PTPRE: variants seen among roughly 807,000 people sequenced by gnomAD.
PTPRE encodes protein tyrosine phosphatase receptor type E, also known as receptor-type tyrosine-protein phosphatase epsilon.
In PTPRE, 51 loss-of-function variants were observed where a neutral mutation model predicts 102.0. The observed-to-expected ratio is 0.50, with a 90% CI of 0.40 to 0.63. The LOEUF is 0.63. Ranked by LOEUF, PTPRE falls within the 30% of genes least tolerant of loss-of-function variation. The pLI is 0.00. For missense variants in PTPRE, 752 were observed against 915.1 expected, an observed-to-expected ratio of 0.82 and a Z score of 2.30; for synonymous variants, 345 against 348.2, an observed-to-expected ratio of 0.99 and a Z score of 0.10.
intron 1 of PTPRE, among the ~76,000 whole-genome samples, chr10:127,919,862 G>A (rs1385752142): frequency 1.3e-5 from 2 of 152,008 alleles, no homozygotes; most frequent in African/African-American, 4.8e-5. Flanking sequence ...CTGAATGAAT[G>A]GGCAGTGCTG....
chr10:127,923,123 C>A (rs952867885), intron 1 of PTPRE, among the ~76,000 whole-genome samples: 1 of 152,258 alleles, frequency 6.6e-6, no homozygotes, highest in South Asian at 2.1e-4. Context: ...CCCGGCATAG[C>A]GGCTGGCGTG....
intron 1 of PTPRE, among the ~76,000 whole-genome samples, chr10:127,914,287 C>T (rs78016424): frequency 6.6e-6 from 1 of 152,162 alleles, no homozygotes; most frequent in Non-Finnish European, 1.5e-5. Context: ...AATTAAACCT[C>T]ATTTCCTTAT....
intron 2 of PTPRE, among the ~76,000 whole-genome samples, chr10:128,020,316 A>G (rs1845773980): frequency 6.6e-6 from 1 of 152,200 alleles, no homozygotes; most frequent in Non-Finnish European, 1.5e-5. Flanking sequence ...CACTAACACA[A>G]ATCCATTTTT....
intron 2 of PTPRE, among the ~76,000 whole-genome samples, chr10:128,022,072 A>G (rs1030240954): frequency 6.6e-6 from 1 of 152,252 alleles, no homozygotes; most frequent in Non-Finnish European, 1.5e-5. Flanking sequence ...AGGACGTGAC[A>G]AATTGATTTT....
At chr10:128,021,926 G>C (rs761874425) in intron 2 of PTPRE, among the ~76,000 whole-genome samples, 1 of 152,218 alleles carries the variant, frequency 6.6e-6, no homozygotes, top group Non-Finnish European at 1.5e-5. Flanking sequence ...TTGATTTCCA[G>C]TAGTTGGCCG....
intron 7 of PTPRE, among the ~76,000 whole-genome samples, chr10:128,057,599 G>A (rs1010040321): frequency 6.6e-6 from 1 of 152,234 alleles, no homozygotes; most frequent in Non-Finnish European, 1.5e-5. Flanking sequence ...TTTTACATGC[G>A]TGGGATTGAT....
chr10:127,995,168 G>C (rs1276728572), intron 2 of PTPRE, among the ~76,000 whole-genome samples: 5 of 152,180 alleles, frequency 3.3e-5, no homozygotes, highest in African/African-American at 1.2e-4. Context: ...CTGAGAGCCA[G>C]GAGGCCCTGG....
At chr10:127,990,205 A>C (rs1162956628) in intron 2 of PTPRE, among the ~76,000 whole-genome samples, 1 of 152,044 alleles carries the variant, frequency 6.6e-6, no homozygotes, top group Non-Finnish European at 1.5e-5. Context: ...TGAGGTCAGG[A>C]GTTTGAGAGC....
At chr10:128,021,367 G>A (rs1431035470) in intron 2 of PTPRE, among the ~76,000 whole-genome samples, 1 of 152,156 alleles carries the variant, frequency 6.6e-6, no homozygotes, top group Admixed American at 6.5e-5. Flanking sequence ...GACCTCCTGC[G>A]AGCCTCCTTA....
intron 1 of PTPRE, among the ~76,000 whole-genome samples, chr10:127,910,511 G>GGCA (rs1254633305): frequency 5.9e-5 from 9 of 152,226 alleles, no homozygotes; most frequent in Admixed American, 4.6e-4. Context: ...TCCTCCACTA[G>GGCA]GCAGCCAGTG....
chr10:127,993,592 G>T (rs1406929616), intron 2 of PTPRE, among the ~76,000 whole-genome samples: 1 of 152,208 alleles, frequency 6.6e-6, no homozygotes, highest in Non-Finnish European at 1.5e-5. Flanking sequence ...GGATGAACAG[G>T]CGTGGAAGAA....
chr10:128,079,199 T>A (rs1415760401), intron 19 of PTPRE, among the ~76,000 whole-genome samples: 3 of 152,180 alleles, frequency 2.0e-5, no homozygotes, highest in African/African-American at 7.2e-5. Flanking sequence ...TTTGCATTTC[T>A]GGCAAGTTCC....
intron 1 of PTPRE, among the ~76,000 whole-genome samples, chr10:127,943,387 GTC>G (rs1848390054): frequency 1.3e-5 from 2 of 152,156 alleles, no homozygotes; most frequent in Non-Finnish European, 2.9e-5. Flanking sequence ...CTCCTAGAGT[GTC>G]TCTGCCACCA....
In PTPRE at chr10:128,055,613, G is replaced by A. The variant is rs116281227; in HGVS notation, c.421-510G>A. ...AGAGCACACCTGGAGTCTTAAGCAA[G>A]ATCAGGACTGTATCTAAGGCTGTTT... On this transcript the variant is annotated intron_variant, in intron 6 of 20. Transcript: ENST00000254667. Among the ~76,000 whole-genome samples the A allele has an allele frequency of 6.5e-3, 989 of 152,234 alleles. 13 individuals carry two copies. The highest frequency in any genetic ancestry group is 0.023 in the African/African-American group (959 of 41,536).
chr10:128,006,222 G>A (rs540353518), intron 2 of PTPRE, among the ~76,000 whole-genome samples: 12 of 152,222 alleles, frequency 7.9e-5, no homozygotes, highest in Non-Finnish European at 1.6e-4. Flanking sequence ...TGACACCACT[G>A]AGTTTCCCAA....
At chr10:127,983,213 T>C (rs978618862) in intron 2 of PTPRE, among the ~76,000 whole-genome samples, 1 of 152,226 alleles carries the variant, frequency 6.6e-6, no homozygotes, top group Admixed American at 6.5e-5. Context: ...TCGTTCTTGG[T>C]GTGATGAAAT....
At chr10:127,994,756 G>A (rs986390892) in intron 2 of PTPRE, among the ~76,000 whole-genome samples, 12 of 152,166 alleles carry the variant, frequency 7.9e-5, no homozygotes, top group African/African-American at 2.2e-4. Context: ...ATGTCGCAGG[G>A]GCTGTTGGTC....
At chr10:127,999,516 G>T in intron 2 of PTPRE, 1 of 985,362 alleles carries the variant, frequency 1.0e-6, no homozygotes, top group Non-Finnish European at 1.2e-6. Flanking sequence ...TCCTCTCCGA[G>T]CTCAGTGCAC....
intron 2 of PTPRE, among the ~76,000 whole-genome samples, chr10:128,006,062 T>C (rs1264395396): frequency 1.3e-5 from 2 of 152,200 alleles, no homozygotes; most frequent in African/African-American, 4.8e-5. Context: ...TCATCTTAAC[T>C]AACTACATCT....
Sources: allele counts gnomAD v4.1 joint callset (sites outside exome capture counted in the v4.1 genomes callset), GRCh38; gene constraint gnomAD v4.1.1; transcripts MANE v1.5; gene names NCBI Gene and HGNC (gene_info 2026-07-23, HGNC 2026-07-21).